PRKAR1B: variants seen among roughly 807,000 people sequenced by gnomAD.
PRKAR1B encodes protein kinase cAMP-dependent type I regulatory subunit beta, also known as cAMP-dependent protein kinase type I-beta regulatory subunit.
PRKAR1B carries 22 observed loss-of-function variants against 46.5 expected under a neutral mutation model. The observed-to-expected ratio is 0.47, with a 90% CI of 0.34 to 0.68. PRKAR1B has a LOEUF of 0.68. PRKAR1B is among the 30% of genes least tolerant of loss of function. The pLI is 0.01. For missense variants in PRKAR1B, 445 were observed against 535.6 expected (o/e 0.83, Z 1.67); for synonymous variants, 259 against 217.7 (o/e 1.19, Z -1.67).
intron 2 of PRKAR1B, among the ~76,000 whole-genome samples, chr7:684,186 C>G (rs1183906487): frequency 6.6e-6 from 1 of 152,190 alleles, no homozygotes; most frequent in Non-Finnish European, 1.5e-5. Context: ...CAATGCCCAC[C>G]TCCACGTGCA....
intron 8 of PRKAR1B, 107 bp downstream of exon 8, chr7:584,401 C>T: frequency 2.1e-6 from 2 of 933,976 alleles, no homozygotes; most frequent in South Asian, 1.4e-5. Context: ...TCCATAATAC[C>T]AACAACACTC....
chr7:633,953 G>A (rs1426320759), intron 4 of PRKAR1B, among the ~76,000 whole-genome samples: 1 of 152,184 alleles, frequency 6.6e-6, no homozygotes, highest in Non-Finnish European at 1.5e-5. Context: ...TTGGGAGACT[G>A]AGGCAGGGGA....
At chr7:697,346 A>C (rs1779795221) in intron 2 of PRKAR1B, among the ~76,000 whole-genome samples, 1 of 152,134 alleles carries the variant, frequency 6.6e-6, no homozygotes, top group African/African-American at 2.4e-5. Context: ...GGCAGATGGA[A>C]TTCCTCAGTC....
intron 4 of PRKAR1B, among the ~76,000 whole-genome samples, chr7:621,997 C>T (rs971331492): frequency 6.6e-5 from 10 of 152,230 alleles, no homozygotes; most frequent in Admixed American, 2.0e-4. Context: ...GCAAATGGAG[C>T]GGCCCATGCC....
At chr7:690,964 C>T (rs1779381861) in intron 2 of PRKAR1B, among the ~76,000 whole-genome samples, 1 of 152,226 alleles carries the variant, frequency 6.6e-6, no homozygotes, top group Non-Finnish European at 1.5e-5. Context: ...TTCTTCCCAG[C>T]GGCCCATCGG....
chr7:578,221 G>T (rs193278071), intron 9 of PRKAR1B, among the ~76,000 whole-genome samples: 26 of 152,182 alleles, frequency 1.7e-4, no homozygotes, highest in African/African-American at 6.3e-4. Flanking sequence ...GTCCCTCGCC[G>T]GCACCCGGAA....
intron 6 of PRKAR1B, among the ~76,000 whole-genome samples, chr7:597,254 G>A (rs1781317567): frequency 1.3e-5 from 2 of 152,230 alleles, no homozygotes; most frequent in African/African-American, 4.8e-5. Flanking sequence ...TGAAATCAAT[G>A]ACTCATTATC....
At chr7:571,437 C>T (rs1472468911) in intron 9 of PRKAR1B, among the ~76,000 whole-genome samples, 3 of 152,306 alleles carry the variant, frequency 2.0e-5, no homozygotes, top group East Asian at 1.9e-4. Flanking sequence ...GGGGAGGAGG[C>T]GCGGGGCTCT....
intron 7 of PRKAR1B, among the ~76,000 whole-genome samples, chr7:586,193 C>T (rs13241164): frequency 0.59 from 88,927 of 151,992 alleles, 26,680 homozygotes; most frequent in East Asian, 0.84. Flanking sequence ...GAGAAACAGC[C>T]GTGTGGTTTA....
chr7:604,597 C>T (rs1562555741), intron 6 of PRKAR1B, among the ~76,000 whole-genome samples: 1 of 152,220 alleles, frequency 6.6e-6, no homozygotes, highest in African/African-American at 2.4e-5. Flanking sequence ...AGGCGGGACC[C>T]CTGAGTCATT....
intron 2 of PRKAR1B, among the ~76,000 whole-genome samples, chr7:685,385 C>T (rs78287586): frequency 0.015 from 1,185 of 79,420 alleles, 108 homozygotes; most frequent in Non-Finnish European, 0.017. Flanking sequence ...TATATACATA[C>T]ATATATATAT....
chr7:600,026 G>A (rs10258187), intron 6 of PRKAR1B, among the ~76,000 whole-genome samples: 2,077 of 133,706 alleles, frequency 0.016, 51 homozygotes, highest in East Asian at 0.021. Flanking sequence ...GGTGGGACAG[G>A]GGTGCCAGGA....
chr7:558,368 G>A (rs912105460), intron 9 of PRKAR1B, among the ~76,000 whole-genome samples: 1 of 150,682 alleles, frequency 6.6e-6, no homozygotes, highest in East Asian at 2.0e-4. Flanking sequence ...GAAGGAGGAG[G>A]AGGAGGAGAA....
chr7:701,659 G>T (rs1175450054), intron 2 of PRKAR1B, among the ~76,000 whole-genome samples: 1 of 152,172 alleles, frequency 6.6e-6, no homozygotes, highest in South Asian at 2.1e-4. Flanking sequence ...GCAAATGAGG[G>T]TTCAAAAGGC....
chr7:553,729 C>T (rs1199352442), intron 9 of PRKAR1B, among the ~76,000 whole-genome samples: 1 of 146,176 alleles, frequency 6.8e-6, no homozygotes, highest in Admixed American at 6.7e-5. Context: ...CTCCCCACCT[C>T]ATCAGTCTGG....
Position 550,273 on chromosome 7 carries a change from TC to T in PRKAR1B, c.*156del, listed in dbSNP as rs1784097722. ...GGAAATGCACAAGGTGATCATTTATTCCAAAAAGTGAGTCCGGGGAAGGGGC... is the reference window on the plus strand; with the variant it reads ...GGAAATGCACAAGGTGATCATTTATTCAAAAAGTGAGTCCGGGGAAGGGGC... On this transcript the variant is annotated 3_prime_UTR_variant, in exon 11 of 11. Coordinates refer to ENST00000537384, the MANE Select transcript of PRKAR1B (RefSeq NM_001164760.2). 2 of 622,122 alleles carry T rather than the reference TC, an allele frequency of 3.2e-6. No homozygotes were observed. The highest frequency in any genetic ancestry group is 2.9e-6 in the Non-Finnish European group (1 of 350,214). 38.5% of individuals were successfully genotyped at this position (622,122 alleles called of 1,614,324 possible). A position where few individuals can be genotyped will look rare whatever the true frequency, so the allele number is the denominator to read the frequency against.
intron 4 of PRKAR1B, among the ~76,000 whole-genome samples, chr7:660,671 C>A (rs1257066061): frequency 7.8e-6 from 1 of 127,754 alleles, no homozygotes; most frequent in Non-Finnish European, 1.7e-5. Context: ...CTCTCCCCCC[C>A]ATGCCACAGG....
intron 4 of PRKAR1B, among the ~76,000 whole-genome samples, chr7:651,436 G>A (rs73046065): frequency 0.13 from 20,433 of 152,260 alleles, 1,555 homozygotes; most frequent in East Asian, 0.22. Context: ...CTGACTCCCA[G>A]GGCCCTGTGT....
intron 4 of PRKAR1B, among the ~76,000 whole-genome samples, chr7:672,038 C>T (rs1021490556): frequency 6.6e-6 from 1 of 152,166 alleles, no homozygotes; most frequent in Admixed American, 6.5e-5. Context: ...AAGAGCCAGC[C>T]CCATGAGGAC....
Sources: allele counts gnomAD v4.1 joint callset (sites outside exome capture counted in the v4.1 genomes callset), GRCh38; gene constraint gnomAD v4.1.1; transcripts MANE v1.5; gene names NCBI Gene and HGNC (gene_info 2026-07-23, HGNC 2026-07-21).